SLC8A1: variants seen among roughly 807,000 people sequenced by gnomAD.
SLC8A1 encodes the protein sodium/calcium exchanger 1.
In SLC8A1, 18 loss-of-function variants were observed where a neutral mutation model predicts 68.3. The observed-to-expected ratio is 0.26, with a 90% confidence interval of 0.18 to 0.39. The LOEUF is 0.39. SLC8A1 is among the 10% of genes least tolerant of loss of function. The pLI is 1.00. For missense variants in SLC8A1, 985 were observed against 1,156.7 expected (o/e 0.85, Z 2.15); for synonymous variants, 475 against 415.5 (o/e 1.14, Z -1.74).
chr2:40,190,617 G>T (rs189374289), intron 2 of SLC8A1: 1 of 152,066 alleles, frequency 6.6e-6, no homozygotes, highest in Non-Finnish European at 1.5e-5. Context: ...TGTCCGTCAC[G>T]CTGAGGGATG....
At chr2:40,111,537 G>A (rs2034551562) in exon 8 of SLC8A1, 1 of 152,086 alleles carries the variant, frequency 6.6e-6, no homozygotes, top group Non-Finnish European at 1.5e-5. Context: ...TGTACATGTG[G>A]ACAGATTCTA....
At chr2:40,474,528 C>G (rs557064123) in intron 1 of SLC8A1, among the ~76,000 whole-genome samples, 2 of 152,072 alleles carry the variant, frequency 1.3e-5, no homozygotes, top group Non-Finnish European at 2.9e-5. Flanking sequence ...CGTTTTCTTC[C>G]AGAGTTCCTG....
intron 7 of SLC8A1, among the ~76,000 whole-genome samples, chr2:40,135,276 C>G (rs1011626565): frequency 6.6e-6 from 1 of 152,092 alleles, no homozygotes; most frequent in Non-Finnish European, 1.5e-5. Flanking sequence ...CCTGATTTAC[C>G]GCTTAAGATG....
At chr2:40,249,070 T>C (rs944600725) in intron 2 of SLC8A1, among the ~76,000 whole-genome samples, 1 of 152,234 alleles carries the variant, frequency 6.6e-6, no homozygotes, top group African/African-American at 2.4e-5. Context: ...CTTTGTGTCC[T>C]GCTGCAATAT....
At chr2:40,216,208 A>G (rs1218518975) in intron 2 of SLC8A1, among the ~76,000 whole-genome samples, 1 of 151,432 alleles carries the variant, frequency 6.6e-6, no homozygotes, top group African/African-American at 2.4e-5. Flanking sequence ...CCCTGTGTCC[A>G]TGTGTTCTCA....
intron 2 of SLC8A1, among the ~76,000 whole-genome samples, chr2:40,184,636 G>A (rs555029254): frequency 9.9e-5 from 15 of 152,168 alleles, no homozygotes; most frequent in African/African-American, 2.9e-4. Context: ...TTCAGTTGCC[G>A]CAGAAGACAG....
intron 2 of SLC8A1, among the ~76,000 whole-genome samples, chr2:40,321,273 C>G (rs371600238): frequency 7.2e-5 from 11 of 152,092 alleles, no homozygotes; most frequent in African/African-American, 1.7e-4. Context: ...ATTGTTTTTT[C>G]TGAAATCTCG....
rs543111400 is a variant in SLC8A1 at position 40,450,388 on chromosome 2, G to T, written c.-25+1516C>A. Among the ~76,000 whole-genome samples, 349 of 152,196 alleles carry T rather than the reference G, an allele frequency of 2.3e-3. 1 individual carries two copies. The highest frequency in any genetic ancestry group is 3.7e-3 in the Non-Finnish European group (250 of 67,992). On this transcript the variant is annotated intron_variant, in intron 1 of 7. Coordinates refer to ENST00000406785, the Ensembl canonical transcript of SLC8A1. Reference sequence around the variant, plus strand: ...TGTGTGTGCACGCGCGCGCGCTGGTGGGGGCATGGGAAAGAGAGGTATACT... The same window carrying T: ...TGTGTGTGCACGCGCGCGCGCTGGTTGGGGCATGGGAAAGAGAGGTATACT...
chr2:40,509,488 C>A (rs946025947), intron 1 of SLC8A1, among the ~76,000 whole-genome samples: 1 of 143,094 alleles, frequency 7.0e-6, no homozygotes, highest in Non-Finnish European at 1.5e-5. Flanking sequence ...ATATCTTTTC[C>A]CTTGAAACAT....
exon 8 of SLC8A1, chr2:40,112,565 T>C (rs1239563847): frequency 1.3e-5 from 2 of 152,330 alleles, no homozygotes; most frequent in Admixed American, 1.3e-4. Flanking sequence ...AGCTAAAAAA[T>C]GAGTGCAAAA....
At chr2:40,339,421 G>C (rs1361353395) in intron 2 of SLC8A1, among the ~76,000 whole-genome samples, 1 of 152,172 alleles carries the variant, frequency 6.6e-6, no homozygotes, top group Non-Finnish European at 1.5e-5. Context: ...CAGAGAAGTT[G>C]AGGGCTCTCT....
chr2:40,330,471 T>A (rs1040875261), intron 2 of SLC8A1, among the ~76,000 whole-genome samples: 2 of 152,202 alleles, frequency 1.3e-5, no homozygotes, highest in Non-Finnish European at 1.5e-5. Flanking sequence ...ATTTGGTATA[T>A]TAAAATAAAG....
At chr2:40,396,163 C>A (rs1247572933) in intron 2 of SLC8A1, among the ~76,000 whole-genome samples, 1 of 152,074 alleles carries the variant, frequency 6.6e-6, no homozygotes, top group African/African-American at 2.4e-5. Flanking sequence ...ATTTTTAAAG[C>A]AGTTGGTCTC....
intron 2 of SLC8A1, among the ~76,000 whole-genome samples, chr2:40,268,074 C>T (rs934174270): frequency 2.0e-5 from 3 of 152,182 alleles, no homozygotes; most frequent in African/African-American, 7.2e-5. Flanking sequence ...ATCTCTCATG[C>T]TGACACAATT....
At chr2:40,442,955 G>A (rs1700779849) in intron 1 of SLC8A1, among the ~76,000 whole-genome samples, 1 of 152,116 alleles carries the variant, frequency 6.6e-6, no homozygotes, top group Admixed American at 6.5e-5. Context: ...TCCTCTGCAG[G>A]GACATGGACG....
At chr2:40,405,047 C>A (rs771688930) in intron 2 of SLC8A1, among the ~76,000 whole-genome samples, 1 of 152,196 alleles carries the variant, frequency 6.6e-6, no homozygotes, top group East Asian at 1.9e-4. Flanking sequence ...GCTACTCCCC[C>A]TCCCCAGCCC....
chr2:40,391,998 G>A (rs774597001), intron 2 of SLC8A1, among the ~76,000 whole-genome samples: 5 of 151,762 alleles, frequency 3.3e-5, no homozygotes, highest in African/African-American at 1.2e-4. Context: ...CAGTCCTTAA[G>A]TGGAAACAGC....
chr2:40,396,748 T>TAAAAA (rs368483768), intron 2 of SLC8A1, among the ~76,000 whole-genome samples: 1,697 of 86,588 alleles, frequency 0.02, 133 homozygotes, highest in African/African-American at 0.037. Context: ...CTCTAATAAC[T>TAAAAA]AAAAAAAAAA....
At chr2:40,377,011 G>A (rs975562749) in intron 2 of SLC8A1, among the ~76,000 whole-genome samples, 40 of 151,994 alleles carry the variant, frequency 2.6e-4, no homozygotes, top group Non-Finnish European at 7.4e-5. Flanking sequence ...CTTATGAATA[G>A]AATATGGCAA....
Sources: allele counts gnomAD v4.1 joint callset (sites outside exome capture counted in the v4.1 genomes callset), GRCh38; gene constraint gnomAD v4.1.1; transcripts MANE v1.5; gene names NCBI Gene and HGNC (gene_info 2026-07-23, HGNC 2026-07-21).